TMEM200C: variants seen among roughly 807,000 people sequenced by gnomAD.
The protein encoded by TMEM200C is transmembrane protein 200C.
For missense variants in TMEM200C, 966 were observed against 699.9 expected (o/e 1.38, Z -4.29); for synonymous variants, 462 against 324.7 (o/e 1.42, Z -4.55).
chr18:5,884,311 T>C (rs945359287), exon 3 of TMEM200C: 1 of 152,188 alleles, frequency 6.6e-6, no homozygotes, highest in South Asian at 2.1e-4. Context: ...TTGCTCATGC[T>C]GGCCCCACTG....
In TMEM200C at chr18:5,892,880, G is replaced by A. The variant is rs115274727; in HGVS notation, c.-94-723C>T. 4.6e-3 allele frequency among the ~76,000 whole-genome samples: 704 copies of A among 152,290 alleles called. 3 individuals are homozygous for A. Among genetic ancestry groups the A allele is most frequent in the African/African-American group, 0.016 (664 of 41,556 alleles). On this transcript the variant is annotated intron_variant, in intron 2 of 2. Coordinates refer to ENST00000581347, the Ensembl canonical transcript of TMEM200C. The stretch of plus-strand genomic sequence containing the variant: ...CACCTATGCCTGTTCCTACAGCTAT[G>A]TGCAGGCAGATCCCTTGCACAGCCT...
At chr18:5,884,851 T>C (rs1357610686) in exon 3 of TMEM200C, 2 of 152,130 alleles carry the variant, frequency 1.3e-5, no homozygotes, top group African/African-American at 4.8e-5. Flanking sequence ...AGACATAGTT[T>C]AAAGATACTG....
exon 3 of TMEM200C, chr18:5,883,152 G>A (rs988433035): frequency 1.3e-5 from 2 of 152,016 alleles, no homozygotes; most frequent in African/African-American, 4.8e-5. Context: ...ATGCAAAGTG[G>A]TTTTGCAGAA....
exon 3 of TMEM200C, chr18:5,889,894 T>C (rs2095168302): frequency 4.1e-6 from 1 of 242,968 alleles, no homozygotes. Context: ...ATTATTTTGA[T>C]CCTAAGAAAA....
chr18:5,889,604 T>C (rs1189337282), exon 3 of TMEM200C: 1 of 152,114 alleles, frequency 6.6e-6, no homozygotes. Flanking sequence ...ACACACCCGT[T>C]TAAAAATGAA....
At chr18:5,883,264 T>C (rs1294322880) in exon 3 of TMEM200C, 2 of 151,854 alleles carry the variant, frequency 1.3e-5, no homozygotes, top group Non-Finnish European at 2.9e-5. Context: ...TGTGAGGAAT[T>C]CAAACTAACA....
chr18:5,891,212 C>A lies in TMEM200C; in HGVS notation c.852G>T (p.Trp284Cys). 1 of 1,164,578 alleles carries A rather than the reference C, an allele frequency of 8.6e-7. No individual in the cohort carries two copies. The highest frequency in any genetic ancestry group is 1.1e-6 in the Non-Finnish European group (1 of 899,096). 72.1% of individuals were successfully genotyped at this position (1,164,578 alleles called of 1,614,324 possible). A position where few individuals can be genotyped will look rare whatever the true frequency, so the allele number is the denominator to read the frequency against. Residue 284 changes from tryptophan (W) to cysteine (C), a missense_variant, in exon 3 of 3, where the codon TGG (tryptophan) becomes TGT (cysteine). Physicochemically the swap from Trp to Cys is radical, Grantham distance 215. Coordinates refer to ENST00000581347, the Ensembl canonical transcript of TMEM200C. The surrounding 1 kb of genome is among the most constrained non-coding windows in gnomAD (Gnocchi z 4.7). The stretch of plus-strand genomic sequence containing the variant: ...CGCTCGGCGCCGCGGGGTGAGGAGG[C>A]CACGAGCCCTTGGCCAGCATCGCCG...
chr18:5,883,366 T>C (rs902029114), exon 3 of TMEM200C: 6 of 152,150 alleles, frequency 3.9e-5, no homozygotes, highest in Non-Finnish European at 8.8e-5. Flanking sequence ...TCTTTTTGTT[T>C]GCAGCTTTGT....
At position 5,891,947 on chromosome 18, in the gene TMEM200C, C is replaced by A; in HGVS notation, c.117G>T (p.Val39=). 6 of 1,613,966 alleles carry A rather than the reference C, an allele frequency of 3.7e-6. No individual in the cohort carries two copies. The African/African-American group carries it at 8.0e-5, about 21-fold the overall frequency. The change falls in exon 3 of 3, where the codon GTG becomes GTT. Residue 39 remains valine, a synonymous_variant. Coordinates refer to ENST00000581347, the Ensembl canonical transcript of TMEM200C. The surrounding 1 kb of genome is among the most constrained non-coding windows in gnomAD (Gnocchi z 4.7). ...GCTTCAGCTTGCCTTTCACCACCAC[C>A]ACGTCGTTCTTGCGCCTCTTCTTGG...
chr18:5,891,866 G>A lies in TMEM200C; in HGVS notation c.198C>T (p.Gly66=), dbSNP rs758083435. 1.2e-6 allele frequency: 2 copies of A among 1,610,792 alleles called. No homozygotes were observed. Among genetic ancestry groups the A allele is most frequent in the Admixed American group, 1.7e-5 (1 of 60,024 alleles). ...AGTAGCCCACCACCGCCATGGCTAT[G>A]CCCACCAGCAGCACCAGGATCCCAC... The change falls in exon 3 of 3, where the codon GGC becomes GGT. Residue 66 remains glycine (G), a synonymous_variant. Coordinates refer to ENST00000581347, the Ensembl canonical transcript of TMEM200C. This position sits in a 1 kb window ranked among gnomAD's most constrained non-coding sequence, Gnocchi z 4.7.
intron 2 of TMEM200C, among the ~76,000 whole-genome samples, chr18:5,893,529 T>TA (rs1333625408): frequency 6.6e-6 from 1 of 152,234 alleles, no homozygotes; most frequent in African/African-American, 2.4e-5. Flanking sequence ...TATGAGATGC[T>TA]AAAATCAAGG....
At chr18:5,888,720 C>T (rs2095167296) in exon 3 of TMEM200C, 1 of 152,216 alleles carries the variant, frequency 6.6e-6, no homozygotes, top group Non-Finnish European at 1.5e-5. Context: ...CTATTGAATA[C>T]ATCCTGTGGG....
chr18:5,889,479 A>C (rs1297578178), exon 3 of TMEM200C: 1 of 152,236 alleles, frequency 6.6e-6, no homozygotes, highest in African/African-American at 2.4e-5. Flanking sequence ...TTTTCAATAC[A>C]GGTGTGATAA....
exon 3 of TMEM200C, chr18:5,890,443 G>A: frequency 6.3e-7 from 1 of 1,577,358 alleles, no homozygotes; most frequent in Non-Finnish European, 8.6e-7. Context: ...CCGGCCTCCC[G>A]CAGGGGTGTG....
Position 5,891,944 on chromosome 18 carries a change from C to T in TMEM200C, c.120G>A (p.Val40=). Residue 40 remains valine (V), a synonymous_variant, in exon 3 of 3, where the codon GTG becomes GTA. Transcript: ENST00000581347. The surrounding 1 kb of genome is among the most constrained non-coding windows in gnomAD (Gnocchi z 4.7). ...ACAGCTTCAGCTTGCCTTTCACCAC[C>T]ACCACGTCGTTCTTGCGCCTCTTCT... 6.2e-7 allele frequency: 1 copy of T among 1,613,980 alleles called. No individual in the cohort carries two copies. The highest frequency in any genetic ancestry group is 8.5e-7 in the Non-Finnish European group (1 of 1,179,898).
rs112950542 is a variant in TMEM200C, at chr18:5,891,612, A to T, written c.452T>A (p.Phe151Tyr). Residue 151 changes from phenylalanine to tyrosine, a missense_variant, in exon 3 of 3, where the codon TTC becomes TAC. Phe to Tyr is a conservative substitution (Grantham distance 22, BLOSUM62 3). Coordinates refer to ENST00000581347, the Ensembl canonical transcript of TMEM200C. This position sits in a 1 kb window ranked among gnomAD's most constrained non-coding sequence, Gnocchi z 4.7. ...GTAGCCAGAGAAGATGCGGAAGAAGAAGCCCACGGACGTGGAGGAGGAGGA... is the reference window on the plus strand; with the variant it reads ...GTAGCCAGAGAAGATGCGGAAGAAGTAGCCCACGGACGTGGAGGAGGAGGA... 1 of 1,613,814 alleles carries T rather than the reference A, an allele frequency of 6.2e-7. No homozygotes were observed. The highest frequency in any genetic ancestry group is 1.7e-5 in the Admixed American group (1 of 60,026).
chr18:5,895,266 TCCGCATC>T lies in TMEM200C; in HGVS notation c.-338_-332del, dbSNP rs77465862. The T allele has an allele frequency of 1, 150,567 of 150,580 alleles. 75,277 individuals are homozygous for T. The highest frequency in any genetic ancestry group is 1 in the Middle Eastern group (290 of 290). The allele number at this position is 150,580 out of a possible 1,614,324, so 9.3% of individuals were successfully genotyped here. On this transcript the variant is annotated 5_prime_UTR_variant, in exon 2 of 3. An upstream start codon of the reference 5' UTR is lost. Coordinates refer to ENST00000581347, the Ensembl canonical transcript of TMEM200C. ...AGAGTTTCCAAGAAGTGTCAGGTCC[TCCGCATC>T]CCGCATCCCGCATCCCGCCTCGGAG...
At chr18:5,895,377 C>T (rs536892218) in exon 2 of TMEM200C, 1 of 151,402 alleles carries the variant, frequency 6.6e-6, no homozygotes, top group Non-Finnish European at 1.5e-5. Flanking sequence ...GCGGCCGCGC[C>T]GCCGGCCCTC....
chr18:5,891,469 T>G lies in TMEM200C; in HGVS notation c.595A>C (p.Asn199His). 1 of 1,581,088 alleles carries G rather than the reference T, an allele frequency of 6.3e-7. No individual in the cohort carries two copies. The highest frequency in any genetic ancestry group is 8.6e-7 in the Non-Finnish European group (1 of 1,164,142). Residue 199 changes from asparagine (N) to histidine (H), a missense_variant, in exon 3 of 3, where the codon AAC becomes CAC. Transcript: ENST00000581347. This position sits in a 1 kb window ranked among gnomAD's most constrained non-coding sequence, Gnocchi z 4.7. ...ACGGTGGAGTAGAGGTCCCGCAGGT[T>G]GATGATTTTGGTCTTCTTGTCCCGG...
Sources: gnomAD v4.1 joint callset for allele counts (sites outside exome capture counted in the v4.1 genomes callset) on GRCh38, gnomAD v4.1.1 for gene constraint, Gnocchi (gnomAD v3.1) non-coding constraint, MANE v1.5 for transcripts, NCBI Gene and HGNC (gene_info 2026-07-23, HGNC 2026-07-21) for gene names.